Variants in FAM171A1 observed in about 807,000 individuals in gnomAD.
FAM171A1 encodes the protein family with sequence similarity 171 member A1.
A neutral mutation model predicts 74.9 loss-of-function variants in FAM171A1; 23 were observed. The observed-to-expected ratio is 0.31, with a 90% confidence interval of 0.22 to 0.44. FAM171A1 has a LOEUF of 0.44. Ranked by LOEUF, FAM171A1 falls within the 20% of genes least tolerant of loss-of-function variation. FAM171A1 has a pLI of 1.00. For missense variants in FAM171A1, 1,162 were observed against 1,159.2 expected (o/e 1.00, Z -0.03); for synonymous variants, 527 against 505.7 (o/e 1.04, Z -0.57).
intron 2 of FAM171A1, among the ~76,000 whole-genome samples, chr10:15,282,204 G>C (rs576865607): frequency 1.9e-4 from 29 of 152,142 alleles, no homozygotes; most frequent in African/African-American, 6.5e-4. Flanking sequence ...TCAGCCTCCA[G>C]AGTCGCTGGG....
upstream of FAM171A1, among the ~76,000 whole-genome samples, chr10:15,372,094 G>C (rs1356563509): frequency 6.6e-6 from 1 of 152,136 alleles, no homozygotes; most frequent in East Asian, 1.9e-4. Context: ...GATATCCAGG[G>C]TGGAGGGTTC....
upstream of FAM171A1, among the ~76,000 whole-genome samples, chr10:15,371,424 C>G (rs1456022637): frequency 6.7e-6 from 1 of 149,488 alleles, no homozygotes; most frequent in Non-Finnish European, 1.5e-5. Context: ...GCCCGACCCC[C>G]GGCGACACTG....
At chr10:15,370,927 A>T in intron 1 of FAM171A1, 29 bp downstream of exon 1, 1 of 1,056,946 alleles carries the variant, frequency 9.5e-7, no homozygotes, top group Non-Finnish European at 1.2e-6. Context: ...CGCGACACAA[A>T]GCCCCCGGCC....
In FAM171A1 at chr10:15,333,047, G is replaced by A. The variant is rs1056544343; in HGVS notation, c.97+37909C>T. ...CAGCCCCATCAACCCCATGAGACAG[G>A]AGGAATGGCTTGCCCTTTAAACCTC... On this transcript the variant is annotated intron_variant, in intron 1 of 7. Transcript: ENST00000378116. 5.3e-5 allele frequency among the ~76,000 whole-genome samples: 8 copies of A among 152,130 alleles called. No individual in the cohort carries two copies. The East Asian group carries it at 5.8e-4, about 11-fold the overall frequency.
intron 1 of FAM171A1, among the ~76,000 whole-genome samples, chr10:15,312,893 C>T (rs1564274403): frequency 6.6e-6 from 1 of 151,656 alleles, no homozygotes; most frequent in East Asian, 1.9e-4. Flanking sequence ...ATGGGTTTCA[C>T]AATGTTGGCC....
intron 4 of FAM171A1, among the ~76,000 whole-genome samples, chr10:15,251,254 T>G (rs1834503424): frequency 6.6e-6 from 1 of 152,200 alleles, no homozygotes; most frequent in Non-Finnish European, 1.5e-5. Context: ...GTCCCTTTAG[T>G]GTCCTCTAGC....
At chr10:15,256,952 T>C (rs938158436) in intron 3 of FAM171A1, among the ~76,000 whole-genome samples, 2 of 152,194 alleles carry the variant, frequency 1.3e-5, no homozygotes, top group African/African-American at 2.4e-5. Context: ...ACAACATTCA[T>C]TGCTTCTGGT....
chr10:15,214,776 A>G (rs567977539), intron 7 of FAM171A1, among the ~76,000 whole-genome samples, 175 bp from the exon 8 acceptor site: 1 of 132,434 alleles, frequency 7.6e-6, no homozygotes, highest in African/African-American at 2.8e-5. Context: ...TTTTTTTTTG[A>G]GACAGCATCT....
At chr10:15,316,145 C>T (rs1200873847) in intron 1 of FAM171A1, among the ~76,000 whole-genome samples, 2 of 152,144 alleles carry the variant, frequency 1.3e-5, no homozygotes, top group Non-Finnish European at 2.9e-5. Flanking sequence ...ATAATTATTC[C>T]TTATTTTGAA....
At chr10:15,257,289 C>T (rs909283043) in intron 3 of FAM171A1, among the ~76,000 whole-genome samples, 1 of 152,082 alleles carries the variant, frequency 6.6e-6, no homozygotes, top group African/African-American at 2.4e-5. Flanking sequence ...GGCAGTGGGG[C>T]ACAGAAACCT....
intron 1 of FAM171A1, among the ~76,000 whole-genome samples, chr10:15,354,851 A>G (rs1835916176): frequency 6.6e-6 from 1 of 152,178 alleles, no homozygotes; most frequent in Non-Finnish European, 1.5e-5. Context: ...TAAATGAGAG[A>G]CCTGTAGGAG....
At chr10:15,341,139 G>A (rs1835759781) in intron 1 of FAM171A1, among the ~76,000 whole-genome samples, 1 of 152,200 alleles carries the variant, frequency 6.6e-6, no homozygotes, top group Non-Finnish European at 1.5e-5. Context: ...TATTTGGACG[G>A]TCTAGTAGGA....
At chr10:15,278,162 A>G (rs2131802402) in intron 2 of FAM171A1, among the ~76,000 whole-genome samples, 2 of 136,370 alleles carry the variant, frequency 1.5e-5, no homozygotes, top group African/African-American at 5.5e-5. Context: ...GTCATCATAT[A>G]CGAGGCTCAG....
At chr10:15,362,769 A>T (rs1401208632) in intron 1 of FAM171A1, among the ~76,000 whole-genome samples, 1 of 152,178 alleles carries the variant, frequency 6.6e-6, no homozygotes, top group East Asian at 1.9e-4. Flanking sequence ...CAGTAGCTGA[A>T]CTTGTTTTTA....
chr10:15,238,455 G>A (rs2131743665), intron 5 of FAM171A1, among the ~76,000 whole-genome samples: 1 of 152,146 alleles, frequency 6.6e-6, no homozygotes, highest in Non-Finnish European at 1.5e-5. Flanking sequence ...TTCAATAATA[G>A]TTTCATTTTC....
chr10:15,300,412 T>C (rs759250608), intron 1 of FAM171A1, among the ~76,000 whole-genome samples: 2 of 152,170 alleles, frequency 1.3e-5, no homozygotes, highest in African/African-American at 2.4e-5. Flanking sequence ...AAAATATGGA[T>C]ACCAACTTCT....
intron 1 of FAM171A1, among the ~76,000 whole-genome samples, chr10:15,316,990 C>T (rs1835429739): frequency 6.6e-6 from 1 of 151,900 alleles, no homozygotes; most frequent in Admixed American, 6.6e-5. Flanking sequence ...TTCACCAGCA[C>T]TGGAGCTGCC....
In FAM171A1 at chr10:15,358,165, G is replaced by A. The variant is rs56203228; in HGVS notation, c.97+12791C>T. ...TAATTTTTAAATTTTGTGTAGAGAC[G>A]AGGTCTCCCTATGTTTTCCAGGCTG... On this transcript the variant is annotated intron_variant, in intron 1 of 7. Transcript: ENST00000378116. Among the ~76,000 whole-genome samples, 9 of 151,790 alleles carry A rather than the reference G, an allele frequency of 5.9e-5. No homozygotes were observed. The South Asian group carries it at 1.3e-3, about 21-fold the overall frequency.
At chr10:15,263,925 G>A (rs1012964897) in intron 3 of FAM171A1, among the ~76,000 whole-genome samples, 11 of 150,374 alleles carry the variant, frequency 7.3e-5, no homozygotes, top group South Asian at 4.2e-4. Context: ...CCTTCCGTCC[G>A]TCCGTCCGTC....
Sources: allele counts gnomAD v4.1 joint callset (sites outside exome capture counted in the v4.1 genomes callset), GRCh38; gene constraint gnomAD v4.1.1; transcripts MANE v1.5; gene names NCBI Gene and HGNC (gene_info 2026-07-23, HGNC 2026-07-21).